The following COL22A1 variants were observed in gnomAD, a reference collection of about 807,000 sequenced individuals.
The protein encoded by COL22A1 is collagen type XXII alpha 1 chain.
A neutral mutation model predicts 248.9 loss-of-function variants in COL22A1; 221 were observed. That is an observed-to-expected ratio of 0.89 (90% CI 0.80 to 0.99). The LOEUF (loss-of-function observed/expected upper bound fraction) is 0.99. Ranked by LOEUF, COL22A1 falls within the 50% of genes least tolerant of loss-of-function variation. The pLI is 0.00. For missense variants in COL22A1, 2,240 were observed against 2,179.0 expected (o/e 1.03, Z -0.56); for synonymous variants, 891 against 793.4 (o/e 1.12, Z -2.07).
At chr8:138,912,686 T>A (rs545790373) in intron 1 of COL22A1, among the ~76,000 whole-genome samples, 5 of 151,688 alleles carry the variant, frequency 3.3e-5, no homozygotes, top group Non-Finnish European at 7.4e-5. Context: ...GAGGTCACAG[T>A]GAGCCGAGGC....
chr8:138,725,297 C>T (rs989358534), intron 24 of COL22A1, 90 bp downstream of exon 24: 1 of 1,317,890 alleles, frequency 7.6e-7, no homozygotes, highest in Non-Finnish European at 1.1e-6. Context: ...GGATAAAAGA[C>T]AAGAGGCCAT....
intron 22 of COL22A1, among the ~76,000 whole-genome samples, chr8:138,748,216 G>A (rs1274279462): frequency 6.6e-6 from 1 of 152,176 alleles, no homozygotes; most frequent in African/African-American, 2.4e-5. Context: ...CCTCCCTCAA[G>A]CTGAGATCTC....
At chr8:138,674,105 A>C (rs764147546) in intron 41 of COL22A1, among the ~76,000 whole-genome samples, 1 of 152,060 alleles carries the variant, frequency 6.6e-6, no homozygotes, top group Non-Finnish European at 1.5e-5. Context: ...AGTGATTTCT[A>C]AGATCACCTC....
In COL22A1 at chr8:138,655,918, C is replaced by T. The variant is rs968966560; in HGVS notation, c.3312G>A (p.Gly1104=). Reference sequence around the variant, plus strand: ...TTACCTTAGCCAAGAGATTTATGTCCCCTGGAGACAGTAGTGAAGAGAGGC... The same window carrying T: ...TTACCTTAGCCAAGAGATTTATGTCTCCTGGAGACAGTAGTGAAGAGAGGC... The part of the protein sequence containing the change: ...KPGLSSLLSP[G]DINLLAKDVC... The change falls in exon 45 of 65, where the codon GGG becomes GGA. Residue 1104 remains glycine, a synonymous_variant. Transcript: ENST00000303045. The T allele has an allele frequency of 6.2e-7, 1 of 1,612,750 alleles. No homozygotes were observed. The highest frequency in any genetic ancestry group is 8.5e-7 in the Non-Finnish European group (1 of 1,178,846).
At chr8:138,775,552 C>T (rs937462197) in intron 16 of COL22A1, among the ~76,000 whole-genome samples, 5 of 152,154 alleles carry the variant, frequency 3.3e-5, no homozygotes, top group African/African-American at 1.2e-4. Context: ...ACTCATTCTT[C>T]CATTTGTTTG....
chr8:138,894,755 T>C (rs1825287990), intron 1 of COL22A1, among the ~76,000 whole-genome samples: 1 of 152,218 alleles, frequency 6.6e-6, no homozygotes, highest in Non-Finnish European at 1.5e-5. Flanking sequence ...AGCTTCACTT[T>C]CAGTTACTAC....
chr8:138,674,568 A>G (rs1825350715), intron 41 of COL22A1, among the ~76,000 whole-genome samples: 1 of 152,212 alleles, frequency 6.6e-6, no homozygotes, highest in South Asian at 2.1e-4. Flanking sequence ...ATTACTTTTC[A>G]GGTGGACTTA....
rs111892590 is a variant in COL22A1 at position 138,802,677 on chromosome 8, C to T, written c.1557+195G>A. On this transcript the variant is annotated intron_variant, in intron 11 of 64. Transcript: ENST00000303045. ...TGGCAAGAGACAAGGCTAGAGAGTC[C>T]GCCAAGACCATATTCAGCAGGCCTC... Among the ~76,000 whole-genome samples, 464 of 152,240 alleles carry T rather than the reference C, an allele frequency of 3.0e-3. 1 individual carries two copies. The highest frequency in any genetic ancestry group is 4.8e-3 in the Non-Finnish European group (327 of 68,012).
intron 44 of COL22A1, 77 bp downstream of exon 44, chr8:138,660,359 T>G: frequency 7.7e-7 from 1 of 1,303,394 alleles, no homozygotes; most frequent in South Asian, 1.2e-5. Flanking sequence ...CCTCTTGAAC[T>G]TTCTGAGTTG....
chr8:138,702,375 T>C (rs1828037381), intron 31 of COL22A1, among the ~76,000 whole-genome samples: 1 of 152,168 alleles, frequency 6.6e-6, no homozygotes, highest in African/African-American at 2.4e-5. Context: ...GACAGAGCTG[T>C]GGAATAATGA....
chr8:138,870,362 G>A (rs948416737), intron 3 of COL22A1, among the ~76,000 whole-genome samples: 1 of 151,816 alleles, frequency 6.6e-6, no homozygotes, highest in African/African-American at 2.4e-5. Context: ...GTGTGTATGT[G>A]GTGTGTATAG....
At chr8:138,778,457 A>C (rs770696014) in intron 14 of COL22A1, 51 bp from the exon 15 acceptor site, 5 of 1,508,786 alleles carry the variant, frequency 3.3e-6, no homozygotes, top group Non-Finnish European at 1.8e-6. Context: ...AAAGAAAGGC[A>C]AGTGCAGCCG....
intron 41 of COL22A1, among the ~76,000 whole-genome samples, chr8:138,665,443 G>T (rs888992099): frequency 1.3e-5 from 2 of 152,226 alleles, no homozygotes; most frequent in East Asian, 1.9e-4. Context: ...ATCTTTGTCT[G>T]GGATGCAGGT....
chr8:138,911,885 A>C (rs1283297998), intron 1 of COL22A1, among the ~76,000 whole-genome samples: 2 of 152,186 alleles, frequency 1.3e-5, no homozygotes, highest in African/African-American at 4.8e-5. Flanking sequence ...CAGGAAAGAA[A>C]ATCCTCATTG....
At chr8:138,621,562 C>T (rs897506767) in intron 52 of COL22A1, among the ~76,000 whole-genome samples, 7 of 152,314 alleles carry the variant, frequency 4.6e-5, no homozygotes, top group South Asian at 4.1e-4. Flanking sequence ...GCATAATACA[C>T]GTTCTGCAGA....
At chr8:138,676,748 C>T in intron 40 of COL22A1, 113 bp from the exon 41 acceptor site, 1 of 797,388 alleles carries the variant, frequency 1.3e-6, no homozygotes, top group African/African-American at 1.7e-5. Context: ...CTCCTGCCAC[C>T]TGGCCTCCAT....
chr8:138,657,311 G>A (rs759807785), intron 44 of COL22A1, among the ~76,000 whole-genome samples: 6 of 152,190 alleles, frequency 3.9e-5, no homozygotes, highest in Admixed American at 6.5e-5. Flanking sequence ...TTTTCAGGCC[G>A]TATATGTTTC....
chr8:138,691,884 ATGTGTGG>A (rs1826981864), intron 35 of COL22A1, among the ~76,000 whole-genome samples: 55 of 19,572 alleles, frequency 2.8e-3, no homozygotes, highest in African/African-American at 7.5e-3. Flanking sequence ...GTGGAGGTGT[ATGTGTGG>A]AGGTGTATGT....
intron 18 of COL22A1, among the ~76,000 whole-genome samples, chr8:138,756,381 G>A (rs1395321307): frequency 6.6e-6 from 1 of 152,130 alleles, no homozygotes; most frequent in Admixed American, 6.5e-5. Context: ...TTGGCCTCCA[G>A]GTCCCCTGGG....
Sources: allele counts gnomAD v4.1 joint callset (sites outside exome capture counted in the v4.1 genomes callset), GRCh38; gene constraint gnomAD v4.1.1; transcripts MANE v1.5; gene names NCBI Gene and HGNC (gene_info 2026-07-23, HGNC 2026-07-21).